CCNY: variants seen among roughly 807,000 people sequenced by gnomAD.
CCNY encodes cyclin Y.
Under a neutral mutation model 42.8 loss-of-function variants are expected in CCNY, and 19 were observed. That is an observed-to-expected ratio of 0.44 (90% confidence interval 0.31 to 0.65). CCNY has a LOEUF of 0.65. CCNY is among the 30% of genes least tolerant of loss of function. The probability of loss-of-function intolerance (pLI) is 0.07; values close to 1 mark genes in which losing one functional copy is unlikely to be tolerated. For synonymous variants in CCNY, 165 were observed against 162.7 expected, an observed-to-expected ratio of 1.01 and a Z score of -0.11; for missense variants, 370 against 437.3, an observed-to-expected ratio of 0.85 and a Z score of 1.37.
intron 9 of CCNY, among the ~76,000 whole-genome samples, chr10:35,568,229 G>A (rs974003715): frequency 2.6e-5 from 4 of 152,212 alleles, no homozygotes; most frequent in South Asian, 4.1e-4. Context: ...AGGTTTCTCC[G>A]AGTGCCGAGA....
chr10:35,492,800 C>G (rs1451653459), intron 2 of CCNY, among the ~76,000 whole-genome samples: 2 of 152,228 alleles, frequency 1.3e-5, no homozygotes, highest in East Asian at 3.9e-4. Flanking sequence ...TGTGTTGCAG[C>G]TTTACCTTCT....
chr10:35,495,147 ACT>A (rs2135383430), intron 2 of CCNY, among the ~76,000 whole-genome samples: 1 of 152,292 alleles, frequency 6.6e-6, no homozygotes, highest in Admixed American at 6.5e-5. Context: ...TGATAAGGAT[ACT>A]CTGTGTGTGT....
intron 3 of CCNY, among the ~76,000 whole-genome samples, chr10:35,330,484 A>G (rs1217424026): frequency 6.6e-6 from 1 of 152,246 alleles, no homozygotes; most frequent in Non-Finnish European, 1.5e-5. Context: ...CCAATCAAGG[A>G]AAACTGTCAA....
chr10:35,555,703 T>A (rs1436411837), intron 8 of CCNY, among the ~76,000 whole-genome samples: 1 of 152,230 alleles, frequency 6.6e-6, no homozygotes, highest in Non-Finnish European at 1.5e-5. Flanking sequence ...TTGTTTCATT[T>A]AATACTTAAT....
intron 8 of CCNY, among the ~76,000 whole-genome samples, chr10:35,554,081 G>A (rs185137465): frequency 1.2e-4 from 18 of 152,300 alleles, no homozygotes; most frequent in African/African-American, 4.1e-4. Context: ...GAGGTTACCA[G>A]CTCTGTCTCA....
At chr10:35,353,274 C>T (rs1254657807) in intron 1 of CCNY, among the ~76,000 whole-genome samples, 1 of 152,038 alleles carries the variant, frequency 6.6e-6, no homozygotes, top group African/African-American at 2.4e-5. Flanking sequence ...TGAACTTGTT[C>T]GTAGCTTAGT....
intron 1 of CCNY, among the ~76,000 whole-genome samples, chr10:35,477,950 C>T (rs1349823067): frequency 5.5e-5 from 8 of 144,818 alleles, no homozygotes; most frequent in Non-Finnish European, 1.1e-4. Flanking sequence ...TCTCAGGATA[C>T]AAAATCAATG....
intron 1 of CCNY, among the ~76,000 whole-genome samples, chr10:35,449,047 A>G (rs1838855151): frequency 6.6e-6 from 1 of 151,912 alleles, no homozygotes; most frequent in Non-Finnish European, 1.5e-5. Flanking sequence ...GTAGACTGGA[A>G]GGAACAGGTC....
intron 3 of CCNY, among the ~76,000 whole-genome samples, chr10:35,296,991 CACA>C (rs1488890267): frequency 4.0e-5 from 6 of 151,636 alleles, no homozygotes; most frequent in Non-Finnish European, 7.4e-5. Context: ...CCTGGCAAAA[CACA>C]ACAACAAAAA....
chr10:35,333,284 G>A (rs556974701), upstream of CCNY, among the ~76,000 whole-genome samples: 16 of 152,252 alleles, frequency 1.1e-4, no homozygotes, highest in African/African-American at 2.2e-4. Flanking sequence ...TTTGATTCCC[G>A]AGTGACACAG....
intron 3 of CCNY, among the ~76,000 whole-genome samples, chr10:35,281,289 T>A (rs952733461): frequency 3.3e-5 from 5 of 152,084 alleles, no homozygotes; most frequent in South Asian, 4.1e-4. Flanking sequence ...ATTATTTATT[T>A]ATTATTTATT....
intron 1 of CCNY, among the ~76,000 whole-genome samples, chr10:35,402,280 G>T (rs1199253863): frequency 6.6e-6 from 1 of 152,122 alleles, no homozygotes; most frequent in Non-Finnish European, 1.5e-5. Flanking sequence ...AGTTTTTTAT[G>T]AATTGAAAAA....
chr10:35,476,435 C>T (rs1383171759), intron 1 of CCNY, among the ~76,000 whole-genome samples: 1 of 152,170 alleles, frequency 6.6e-6, no homozygotes, highest in African/African-American at 2.4e-5. Flanking sequence ...AACAAAGTAT[C>T]TCTCAGACCA....
intron 8 of CCNY, among the ~76,000 whole-genome samples, 188 bp from the exon 9 acceptor site, chr10:35,565,835 C>T (rs1841559304): frequency 6.6e-6 from 1 of 152,208 alleles, no homozygotes; most frequent in Non-Finnish European, 1.5e-5. Context: ...CCTCATCCTT[C>T]TGGGCACCAG....
chr10:35,569,102 G>T lies in CCNY; in HGVS notation c.958G>T (p.Ala320Ser). The T allele has an allele frequency of 6.2e-7, 1 of 1,613,136 alleles. No homozygotes were observed. Among genetic ancestry groups the T allele is most frequent in the Non-Finnish European group, 8.5e-7 (1 of 1,179,962 alleles). Residue 320 changes from alanine (A) to serine (S), a missense_variant, in exon 10 of 10, where the codon GCG becomes TCG. Around this residue, in one of 2 missense-constraint regions of CCNY, gnomAD observed 234 missense variants for 313.1 expected, o/e 0.75. Transcript: ENST00000374704. ...CAAGTACAAGGACCTAAGAAGATCC[G>T]CGAGGAAGCGCTCAGCCAGTGCAGA... ...EDKYKDLRRS[A>S]RKRSASADNL... is the part of the protein sequence containing the mutation.
At chr10:35,429,593 C>T (rs1158407138) in intron 1 of CCNY, among the ~76,000 whole-genome samples, 3 of 152,124 alleles carry the variant, frequency 2.0e-5, no homozygotes, top group African/African-American at 7.2e-5. Context: ...ATCTGTAAAA[C>T]AGGGAGAAAA....
At chr10:35,465,938 A>AGAGAGAGAGTGTGTGT in intron 1 of CCNY, among the ~76,000 whole-genome samples, 134 of 81,006 alleles carry the variant, frequency 1.7e-3, no homozygotes, top group African/African-American at 2.4e-3. Context: ...AGAGAGAGAG[A>AGAGAGAGAGTGTGTGT]GTGTGTGTGT....
intron 1 of CCNY, among the ~76,000 whole-genome samples, chr10:35,378,551 G>A (rs1368379073): frequency 6.6e-6 from 1 of 152,152 alleles, no homozygotes; most frequent in African/African-American, 2.4e-5. Context: ...GGGTGTATGT[G>A]TGTTGAGAAA....
At chr10:35,437,385 T>A (rs1838560508) in intron 1 of CCNY, among the ~76,000 whole-genome samples, 1 of 152,216 alleles carries the variant, frequency 6.6e-6, no homozygotes, top group Non-Finnish European at 1.5e-5. Flanking sequence ...ATTATTTGGC[T>A]ATTTAAAGTA....
Sources: allele counts gnomAD v4.1 joint callset (sites outside exome capture counted in the v4.1 genomes callset), GRCh38; gene constraint gnomAD v4.1.1; regional missense constraint gnomAD v4.1.1; transcripts MANE v1.5; gene names NCBI Gene and HGNC (gene_info 2026-07-23, HGNC 2026-07-21).